CLSTN2: variants seen among roughly 807,000 people sequenced by gnomAD.
CLSTN2 encodes calsyntenin 2.
CLSTN2 carries 48 observed loss-of-function variants against 101.2 expected under a neutral mutation model. The ratio of observed to expected loss-of-function variants is 0.47; its 90% CI spans 0.38 to 0.60. CLSTN2 has a LOEUF of 0.60. CLSTN2 is among the 20% of genes least tolerant of loss of function. CLSTN2 has a pLI of 0.00. For synonymous variants in CLSTN2, 481 were observed against 463.6 expected, an observed-to-expected ratio of 1.04 and a Z score of -0.48; for missense variants, 1,160 against 1,238.2, an observed-to-expected ratio of 0.94 and a Z score of 0.95.
Position 140,566,989 on chromosome 3 carries a change from C to T in CLSTN2, c.*736C>T, listed in dbSNP as rs1394005368. The T allele has an allele frequency of 6.6e-6, 1 of 152,634 alleles. No individual in the cohort carries two copies. Among genetic ancestry groups the T allele is most frequent in the Non-Finnish European group, 1.5e-5 (1 of 68,398 alleles). The allele number at this position is 152,634 out of a possible 1,614,324, so 9.5% of individuals were successfully genotyped here. The stretch of plus-strand genomic sequence containing the variant: ...TGCCTGTCTGGGCACCTGCTGCAAC[C>T]ATGCAGCTACCCTGCCAGGGGCACT... On this transcript the variant is annotated 3_prime_UTR_variant, in exon 17 of 17. Transcript: ENST00000458420.
intron 1 of CLSTN2, among the ~76,000 whole-genome samples, chr3:140,144,609 T>C (rs6767879): frequency 0.18 from 27,650 of 151,624 alleles, 7,614 homozygotes; most frequent in African/African-American, 0.6. Flanking sequence ...GAGCGAGACT[T>C]CATCTCCAAA....
At chr3:140,302,612 GC>G (rs1375358186) in intron 2 of CLSTN2, among the ~76,000 whole-genome samples, 4 of 152,184 alleles carry the variant, frequency 2.6e-5, no homozygotes, top group Non-Finnish European at 4.4e-5. Flanking sequence ...AACACGTGTG[GC>G]TAAAATGTTT....
intron 1 of CLSTN2, among the ~76,000 whole-genome samples, chr3:139,972,641 C>A (rs1220787567): frequency 2.6e-5 from 4 of 152,154 alleles, no homozygotes; most frequent in Non-Finnish European, 5.9e-5. Context: ...TAGCAGAAGG[C>A]CTAGTCCATT....
intron 4 of CLSTN2, among the ~76,000 whole-genome samples, chr3:140,412,334 T>C (rs761004198): frequency 1.3e-5 from 2 of 152,160 alleles, no homozygotes; most frequent in Non-Finnish European, 2.9e-5. Context: ...GTTTTAATTG[T>C]TGGCTTTAAA....
chr3:140,219,730 G>T (rs1257299989), intron 2 of CLSTN2, among the ~76,000 whole-genome samples: 3 of 152,120 alleles, frequency 2.0e-5, no homozygotes, highest in Non-Finnish European at 2.9e-5. Flanking sequence ...ACTTAGCAAG[G>T]TAAGTCCCCA....
chr3:139,980,362 C>T lies in CLSTN2; in HGVS notation c.109+44879C>T, dbSNP rs370124928. 2.0e-5 allele frequency among the ~76,000 whole-genome samples: 3 copies of T among 152,238 alleles called. No homozygotes were observed. In the East Asian group the frequency reaches 5.8e-4, roughly 29 times the overall value. On this transcript the variant is annotated intron_variant, in intron 1 of 16. Transcript: ENST00000458420. ...TGCCGTTCCCTGATGGACTTTTACT[C>T]CAGATGTCCATGTCCCTTGCTCTTT...
In CLSTN2 at chr3:140,385,384, T is replaced by A. The variant is rs909724060; in HGVS notation, c.233-18245T>A. Among the ~76,000 whole-genome samples the A allele has an allele frequency of 3.2e-3, 333 of 105,424 alleles. 1 individual carries two copies. Among genetic ancestry groups the A allele is most frequent in the African/African-American group, 9.4e-3 (261 of 27,910 alleles). The allele number at this position is 105,424 out of a possible 152,430, so 69.2% of individuals were successfully genotyped here. ...TTTTTTTTTTTTTTTTTTTTTTTTT[T>A]ATCTGAGATGGCGTCTCGCTGTCGC... On this transcript the variant is annotated intron_variant, in intron 2 of 16. Transcript: ENST00000458420.
intron 2 of CLSTN2, among the ~76,000 whole-genome samples, chr3:140,329,645 G>GATTT (rs1274738210): frequency 2.0e-5 from 3 of 151,994 alleles, no homozygotes; most frequent in African/African-American, 4.8e-5. Context: ...TCTTTTCTTT[G>GATTT]ATTTTATAGG....
intron 1 of CLSTN2, among the ~76,000 whole-genome samples, chr3:140,140,883 A>G (rs2009687850): frequency 6.6e-6 from 1 of 152,176 alleles, no homozygotes; most frequent in African/African-American, 2.4e-5. Context: ...TTCCAGGCAG[A>G]CTGAGTGACA....
At chr3:140,134,092 G>A (rs1002480020) in intron 1 of CLSTN2, among the ~76,000 whole-genome samples, 11 of 152,142 alleles carry the variant, frequency 7.2e-5, no homozygotes, top group African/African-American at 2.7e-4. Flanking sequence ...TGTACTTAGA[G>A]TCCAGTGAGT....
At chr3:140,468,111 CCT>C (rs1229908848) in intron 8 of CLSTN2, among the ~76,000 whole-genome samples, 1 of 152,142 alleles carries the variant, frequency 6.6e-6, no homozygotes, top group Non-Finnish European at 1.5e-5. Flanking sequence ...AGTCTATGTT[CCT>C]CTGAGTTAGG....
At chr3:140,450,962 G>GA (rs542769758) in intron 6 of CLSTN2, among the ~76,000 whole-genome samples, 5,206 of 152,108 alleles carry the variant, frequency 0.034, 133 homozygotes, top group Middle Eastern at 0.054. Flanking sequence ...TACAGCTCTT[G>GA]CAAAAATGGT....
At chr3:139,982,568 C>T (rs977546180) in intron 1 of CLSTN2, among the ~76,000 whole-genome samples, 5 of 152,074 alleles carry the variant, frequency 3.3e-5, no homozygotes, top group South Asian at 2.1e-4. Context: ...TCTGAGAAAG[C>T]GATGTATGGC....
At chr3:140,424,239 C>A (rs892080494) in intron 5 of CLSTN2, among the ~76,000 whole-genome samples, 1 of 152,170 alleles carries the variant, frequency 6.6e-6, no homozygotes, top group Non-Finnish European at 1.5e-5. Flanking sequence ...GTTTGGCATC[C>A]GGATCCAGAG....
chr3:140,482,977 T>A (rs1934152748), intron 8 of CLSTN2, among the ~76,000 whole-genome samples: 1 of 152,236 alleles, frequency 6.6e-6, no homozygotes, highest in South Asian at 2.1e-4. Context: ...TTTCTTGCCT[T>A]CTGCTAGCTT....
chr3:140,519,576 C>T (rs112157577), intron 8 of CLSTN2, among the ~76,000 whole-genome samples: 91 of 152,182 alleles, frequency 6.0e-4, no homozygotes, highest in African/African-American at 2.0e-3. Flanking sequence ...AACCCTTTAC[C>T]AGTATGTAAT....
chr3:140,572,894 T>G lies in CLSTN2; in HGVS notation c.*6641T>G, dbSNP rs953439120. 6.6e-6 allele frequency: 1 copy of G among 152,502 alleles called. No homozygotes were observed. The highest frequency in any genetic ancestry group is 1.5e-5 in the Non-Finnish European group (1 of 68,182). The allele number at this position is 152,502 out of a possible 1,614,324, so 9.4% of individuals were successfully genotyped here. A position where few individuals can be genotyped will look rare whatever the true frequency, so the allele number is the denominator to read the frequency against. ...CCCCAGCCCCCATCCTGGGCCTTTT[T>G]GGCTCCAGTTTATACTCACTGAAGC... is the stretch of plus-strand genomic sequence containing the variant. On this transcript the variant is annotated 3_prime_UTR_variant, in exon 17 of 17. Coordinates refer to ENST00000458420, the MANE Select transcript of CLSTN2 (RefSeq NM_022131.3).
At chr3:140,043,721 C>A (rs573434094) in intron 1 of CLSTN2, among the ~76,000 whole-genome samples, 1 of 152,248 alleles carries the variant, frequency 6.6e-6, no homozygotes, top group South Asian at 2.1e-4. Flanking sequence ...AGGAAGGGAT[C>A]CAGTTTCAGC....
intron 5 of CLSTN2, among the ~76,000 whole-genome samples, chr3:140,446,901 T>C (rs992641836): frequency 6.6e-6 from 1 of 152,174 alleles, no homozygotes; most frequent in Non-Finnish European, 1.5e-5. Flanking sequence ...ATCACCTGCC[T>C]CTCTCCCTAG....
Sources: gnomAD v4.1 joint callset for allele counts (sites outside exome capture counted in the v4.1 genomes callset) on GRCh38, gnomAD v4.1.1 for gene constraint, MANE v1.5 for transcripts, NCBI Gene and HGNC (gene_info 2026-07-23, HGNC 2026-07-21) for gene names.